POM121: variants seen among roughly 807,000 people sequenced by gnomAD.
POM121 encodes the protein nuclear envelope pore membrane protein POM 121.
Under a neutral mutation model 81.3 loss-of-function variants are expected in POM121, and 32 were observed. The observed-to-expected ratio is 0.39, with a 90% CI of 0.30 to 0.53. POM121 has a LOEUF of 0.53. POM121 is among the 20% of genes least tolerant of loss of function. The probability of loss-of-function intolerance (pLI) is 0.66; values close to 1 mark genes in which losing one functional copy is unlikely to be tolerated. For synonymous variants in POM121, 514 were observed against 694.2 expected (o/e 0.74, Z 4.08); for missense variants, 1,138 against 1,614.6 (o/e 0.70, Z 5.06).
At chr7:72,914,893 C>G (rs1554494883) in intron 4 of POM121, among the ~76,000 whole-genome samples, 1 of 152,114 alleles carries the variant, frequency 6.6e-6, no homozygotes, top group African/African-American at 2.4e-5. Context: ...TGATCCGTTC[C>G]TCTCCAGGAA....
chr7:72,943,375 A>G lies in POM121; in HGVS notation c.3382A>G (p.Ser1128Gly). ...CTCCAGCACCACCACCGGAGCTTTC[A>G]GCTTTGGAGCAGGACAGAGTGGGAG... ...PGSSTTTGAFSFGAGQSGSTA... is the reference protein window; with the variant it reads ...PGSSTTTGAFGFGAGQSGSTA... Residue 1128 changes from serine to glycine, a missense_variant, in exon 11 of 13, where the codon AGC becomes GGC. By Grantham distance (56) the Ser-to-Gly change is moderately conservative. Coordinates refer to ENST00000434423, the MANE Select transcript of POM121 (RefSeq NM_001387691.1). 1 of 1,613,246 alleles carries G rather than the reference A, an allele frequency of 6.2e-7. No individual in the cohort carries two copies. Among genetic ancestry groups the G allele is most frequent in the Non-Finnish European group, 8.5e-7 (1 of 1,179,750 alleles).
At chr7:72,938,318 A>G (rs1469227141) in intron 5 of POM121, among the ~76,000 whole-genome samples, 4 of 150,992 alleles carry the variant, frequency 2.6e-5, no homozygotes, top group African/African-American at 9.8e-5. Flanking sequence ...CATCCTGAGT[A>G]GTTGGGACCA....
intron 4 of POM121, among the ~76,000 whole-genome samples, chr7:72,918,689 C>T (rs1277745575): frequency 6.6e-6 from 1 of 152,104 alleles, no homozygotes; most frequent in South Asian, 2.1e-4. Flanking sequence ...CTGCCCACAC[C>T]AGCAGGGCTG....
chr7:72,885,016 A>G (rs1359973915), intron 1 of POM121, among the ~76,000 whole-genome samples: 2 of 152,182 alleles, frequency 1.3e-5, no homozygotes, highest in African/African-American at 4.8e-5. Context: ...GATTCAGTCT[A>G]GGACTGTTAA....
chr7:72,925,857 A>T, intron 1 of POM121, 92 bp downstream of exon 1: 1 of 1,223,340 alleles, frequency 8.2e-7, no homozygotes, highest in Non-Finnish European at 1.0e-6. Context: ...TTTTTCATCA[A>T]GTCCCAAGGG....
At chr7:72,894,273 G>T (rs782183113) in intron 3 of POM121, among the ~76,000 whole-genome samples, 11 of 150,062 alleles carry the variant, frequency 7.3e-5, no homozygotes, top group African/African-American at 9.9e-5. Context: ...CTGTCTTAAA[G>T]AAATAAATAA....
At chr7:72,891,265 T>A (rs1791271844) in intron 3 of POM121, among the ~76,000 whole-genome samples, 2 of 152,182 alleles carry the variant, frequency 1.3e-5, no homozygotes, top group East Asian at 3.8e-4. Context: ...CTCTTTTGTT[T>A]ATTTTATATT....
intron 3 of POM121, among the ~76,000 whole-genome samples, chr7:72,907,443 T>A (rs1163057387): frequency 1.3e-5 from 2 of 152,230 alleles, no homozygotes; most frequent in Non-Finnish European, 2.9e-5. Context: ...ATTGCTTTTT[T>A]AAATTTCTTT....
At position 72,925,677 on chromosome 7, in the gene POM121, C is replaced by CGCCG; in HGVS notation, c.556_557insGCCG (p.Pro186ArgfsTer45). ...GCGCTCCCCACCGCCGCGCTCCCCC[C>CGCCG]CGCCCTCCCCGCCGACCCATCGCGC... On this transcript the variant is annotated frameshift_variant, in exon 1 of 13. Transcript: ENST00000434423. LOFTEE classifies it high-confidence loss of function. 1 of 1,222,372 alleles carries CGCCG rather than the reference C, an allele frequency of 8.2e-7. No homozygotes were observed. The allele number at this position is 1,222,372 out of a possible 1,614,324, so 75.7% of individuals were successfully genotyped here.
intron 3 of POM121, among the ~76,000 whole-genome samples, chr7:72,894,159 A>G (rs1446213922): frequency 6.6e-6 from 1 of 152,090 alleles, no homozygotes; most frequent in Non-Finnish European, 1.5e-5. Flanking sequence ...AGATATTTGG[A>G]GGCTGAGGCA....
At chr7:72,909,984 G>A (rs1776737633) in intron 3 of POM121, among the ~76,000 whole-genome samples, 1 of 152,128 alleles carries the variant, frequency 6.6e-6, no homozygotes, top group Non-Finnish European at 1.5e-5. Context: ...ATTCCACATT[G>A]CCGTTGAGCT....
intron 1 of POM121, among the ~76,000 whole-genome samples, chr7:72,888,276 T>C (rs1586066105): frequency 6.6e-6 from 1 of 152,358 alleles, no homozygotes; most frequent in East Asian, 1.9e-4. Flanking sequence ...AAAAGCTTTT[T>C]GGTATTTTTA....
Position 72,926,331 on chromosome 7 carries a change from G to T in POM121, c.714G>T (p.Gln238His). ...GACGCTATCCGATCCATCAGGCCCA[G>T]TATTCCTGTCTGGGGGTACTTCCCA... ...PRRRYPIHQA[Q>H]YSCLGVLPTV... is the part of the protein sequence containing the mutation. The change falls in exon 2 of 13, where the codon CAG becomes CAT. Residue 238 changes from glutamine to histidine, a missense_variant. Transcript: ENST00000434423. 3 of 1,611,604 alleles carry T rather than the reference G, an allele frequency of 1.9e-6. No homozygotes were observed. The highest frequency in any genetic ancestry group is 2.5e-6 in the Non-Finnish European group (3 of 1,178,656).
downstream of POM121, chr7:72,948,511 C>T (rs376342901): frequency 1.5e-4 from 249 of 1,613,254 alleles, 3 homozygotes; most frequent in East Asian, 3.6e-3. Context: ...GTGCAAGCAC[C>T]GGCTGCAGCT....
chr7:72,890,507 A>T, intron 1 of POM121: 2 of 1,205,750 alleles, frequency 1.7e-6, no homozygotes, highest in Non-Finnish European at 2.3e-6. Context: ...CCCTTCCATA[A>T]TCTGTAACAT....
At chr7:72,909,847 C>T (rs1416838626) in intron 3 of POM121, among the ~76,000 whole-genome samples, 1 of 152,158 alleles carries the variant, frequency 6.6e-6, no homozygotes, top group Non-Finnish European at 1.5e-5. Flanking sequence ...AGGTCTCACT[C>T]TGTTGCCCAG....
intron 3 of POM121, among the ~76,000 whole-genome samples, chr7:72,908,452 C>T (rs1793488292): frequency 6.6e-6 from 1 of 152,166 alleles, no homozygotes; most frequent in Non-Finnish European, 1.5e-5. Context: ...AGGGCGAGAT[C>T]ACAGGACCAG....
At chr7:72,909,181 G>A (rs1187241060) in intron 3 of POM121, among the ~76,000 whole-genome samples, 6 of 152,130 alleles carry the variant, frequency 3.9e-5, no homozygotes, top group African/African-American at 9.7e-5. Flanking sequence ...CCCTCTGTTC[G>A]GGGTCCCTGA....
chr7:72,925,273 C>T lies in POM121; in HGVS notation c.152C>T (p.Ala51Val), dbSNP rs530947859. Reference sequence around the variant, plus strand: ...GGCCTCTTACTGTACCTCGTGCCGGCTGCGGCTGCACTGGCCTGGCTGACC... The same window carrying T: ...GGCCTCTTACTGTACCTCGTGCCGGTTGCGGCTGCACTGGCCTGGCTGACC... ...LVGLLLYLVP[A>V]AAALAWLTVG... Residue 51 changes from alanine (A) to valine (V), a missense_variant, in exon 1 of 13, where the codon GCT (alanine) becomes GTT (valine). Coordinates refer to ENST00000434423, the MANE Select transcript of POM121 (RefSeq NM_001387691.1). The T allele has an allele frequency of 4.0e-4, 615 of 1,534,622 alleles. 10 individuals carry two copies. The Admixed American group carries it at 0.01, about 26-fold the overall frequency.
Sources: gnomAD v4.1 joint callset for allele counts (sites outside exome capture counted in the v4.1 genomes callset) on GRCh38, gnomAD v4.1.1 for gene constraint, MANE v1.5 for transcripts, NCBI Gene and HGNC (gene_info 2026-07-23, HGNC 2026-07-21) for gene names.